ATG4A: variants seen among roughly 807,000 people sequenced by gnomAD.
ATG4A encodes autophagy related 4A cysteine peptidase.
A neutral mutation model predicts 38.4 loss-of-function variants in ATG4A; 22 were observed. The observed-to-expected ratio is 0.57, with a 90% confidence interval of 0.41 to 0.82. ATG4A has a LOEUF of 0.82. Among genes scored for constraint, ATG4A ranks in the 40% least tolerant of loss-of-function variants. The pLI is 0.00. For synonymous variants in ATG4A, 86 were observed against 100.7 expected (o/e 0.85, Z 0.88); for missense variants, 220 against 290.0 (o/e 0.76, Z 1.75).
At chrX:108,131,738 G>A (rs774722658) in intron 4 of ATG4A, among the ~76,000 whole-genome samples, 1 of 112,035 alleles carries the variant, frequency 8.9e-6, no homozygotes, top group African/African-American at 3.2e-5. Flanking sequence ...TAAGATATCT[G>A]CCTGGTGAAG....
chrX:108,131,444 G>A (rs913451150), intron 4 of ATG4A, 86 bp downstream of exon 4: 1 of 929,591 alleles, frequency 1.1e-6, no homozygotes, highest in Non-Finnish European at 1.5e-6. Flanking sequence ...CTGAGCCTTG[G>A]GAACACTCAG....
At chrX:108,125,703 T>C (rs1274539683) in intron 1 of ATG4A, among the ~76,000 whole-genome samples, 13 of 111,921 alleles carry the variant, frequency 1.2e-4, no homozygotes, top group Non-Finnish European at 5.6e-5. Flanking sequence ...CCCTGTGACA[T>C]GGGCAGGAGT....
At chrX:108,114,314 G>A (rs937898491) in intron 1 of ATG4A, among the ~76,000 whole-genome samples, 24 of 111,090 alleles carry the variant, frequency 2.2e-4, no homozygotes, top group Admixed American at 1.4e-3. Flanking sequence ...TCCTCACTAC[G>A]GCCCTGTGGA....
chrX:108,113,676 G>C (rs775131322), intron 1 of ATG4A, among the ~76,000 whole-genome samples: 4 of 111,504 alleles, frequency 3.6e-5, no homozygotes, highest in Non-Finnish European at 7.5e-5. Context: ...ATCATGGCAG[G>C]AGGCAAAAGG....
chrX:108,125,890 A>G (rs2032784483), intron 1 of ATG4A, among the ~76,000 whole-genome samples, 187 bp from the exon 2 acceptor site: 1 of 112,265 alleles, frequency 8.9e-6, no homozygotes, highest in Admixed American at 9.4e-5. Flanking sequence ...AGAGATGGTC[A>G]AGAGGAAATC....
intron 1 of ATG4A, among the ~76,000 whole-genome samples, chrX:108,095,830 C>T (rs1403275801): frequency 3.7e-5 from 4 of 109,465 alleles, no homozygotes; most frequent in African/African-American, 1.3e-4. Flanking sequence ...TGTGCCTCAG[C>T]CTCCTGAGTA....
chrX:108,090,291 T>C (rs187586900), upstream of ATG4A, among the ~76,000 whole-genome samples: 328 of 112,318 alleles, frequency 2.9e-3, 1 homozygote, highest in African/African-American at 0.01. Context: ...GTTGGTTTGT[T>C]TAAATCAGGA....
intron 3 of ATG4A, among the ~76,000 whole-genome samples, chrX:108,129,422 A>G (rs890657958): frequency 9.9e-5 from 11 of 111,423 alleles, no homozygotes; most frequent in Non-Finnish European, 1.5e-4. Flanking sequence ...CACATTTGCA[A>G]GTAGGGTGGC....
At chrX:108,125,370 C>T (rs755401382) in intron 1 of ATG4A, among the ~76,000 whole-genome samples, 15 of 110,951 alleles carry the variant, frequency 1.4e-4, no homozygotes, top group Non-Finnish European at 2.6e-4. Flanking sequence ...AAAAGATGCA[C>T]GTAGCATCCC....
intron 10 of ATG4A, among the ~76,000 whole-genome samples, chrX:108,151,112 G>A (rs927878496): frequency 3.6e-5 from 4 of 112,001 alleles, no homozygotes; most frequent in African/African-American, 9.7e-5. Context: ...AGATAAGGGA[G>A]CAAGATGCCC....
In ATG4A at chrX:108,154,474, A is replaced by G. The variant is rs769319495; in HGVS notation, c.*762A>G. The stretch of plus-strand genomic sequence containing the variant: ...ATGCGGCCTCTGTCACATCTACTCA[A>G]CTCTGCTGTTGACATGCAAAAGCAG... On this transcript the variant is annotated 3_prime_UTR_variant, in exon 13 of 13. Coordinates refer to ENST00000372232, the MANE Select transcript of ATG4A (RefSeq NM_052936.5). The G allele has an allele frequency of 8.9e-6, 1 of 111,975 alleles. No individual in the cohort carries two copies. The highest frequency in any genetic ancestry group is 3.7e-4 in the South Asian group (1 of 2,689). The allele number at this position is 111,975 out of a possible 1,213,427, so 9.2% of individuals were successfully genotyped here. A position where few individuals can be genotyped will look rare whatever the true frequency, so the allele number is the denominator to read the frequency against.
intron 7 of ATG4A, among the ~76,000 whole-genome samples, chrX:108,137,539 A>G (rs1467993885): frequency 8.9e-6 from 1 of 112,166 alleles, no homozygotes; most frequent in African/African-American, 3.2e-5. Flanking sequence ...GCCCTGGCAG[A>G]CTTGAGAAAT....
chrX:108,141,595 G>C (rs1189850760), intron 9 of ATG4A, among the ~76,000 whole-genome samples: 1 of 111,029 alleles, frequency 9.0e-6, no homozygotes, highest in South Asian at 3.9e-4. Context: ...AGGTGTGGGA[G>C]GATATGGCCA....
intron 1 of ATG4A, among the ~76,000 whole-genome samples, chrX:108,122,170 T>A (rs2032670313): frequency 8.9e-6 from 1 of 112,388 alleles, no homozygotes; most frequent in Non-Finnish European, 1.9e-5. Flanking sequence ...GGTATAAGTG[T>A]TTTTGTTAAG....
chrX:108,141,074 A>G (rs1451094891), intron 9 of ATG4A, among the ~76,000 whole-genome samples: 2 of 19,020 alleles, frequency 1.1e-4, no homozygotes, highest in Non-Finnish European at 2.0e-4. Flanking sequence ...ATATATACAT[A>G]TATATATATA....
At chrX:108,119,370 G>A (rs2032590239) in intron 1 of ATG4A, among the ~76,000 whole-genome samples, 1 of 111,441 alleles carries the variant, frequency 9.0e-6, no homozygotes, top group Non-Finnish European at 1.9e-5. Context: ...GGACAGTGTA[G>A]GTGTGGACCG....
chrX:108,096,163 T>C (rs1396674332), intron 1 of ATG4A, among the ~76,000 whole-genome samples: 1 of 112,727 alleles, frequency 8.9e-6, no homozygotes, highest in Non-Finnish European at 1.9e-5. Flanking sequence ...TACTTGTGAT[T>C]CAAATAATAT....
intron 6 of ATG4A, among the ~76,000 whole-genome samples, chrX:108,136,029 G>T (rs759096514): frequency 1.8e-5 from 2 of 110,854 alleles, no homozygotes; most frequent in Non-Finnish European, 3.8e-5. Context: ...TGATCCACCC[G>T]TCTCAACCTC....
intron 5 of ATG4A, 40 bp downstream of exon 5, chrX:108,134,198 C>G: frequency 1.7e-6 from 2 of 1,145,570 alleles, no homozygotes; most frequent in East Asian, 3.0e-5. Context: ...AGTGCCTATT[C>G]CTGTTCCTTC....
Sources: allele counts gnomAD v4.1 joint callset (sites outside exome capture counted in the v4.1 genomes callset), GRCh38; gene constraint gnomAD v4.1.1; transcripts MANE v1.5; gene names NCBI Gene and HGNC (gene_info 2026-07-23, HGNC 2026-07-21).